FAM53A: variants seen among roughly 807,000 people sequenced by gnomAD.
The protein encoded by FAM53A is family with sequence similarity 53 member A.
FAM53A carries 28 observed loss-of-function variants against 26.6 expected under a neutral mutation model. The ratio of observed to expected loss-of-function variants is 1.05; its 90% CI spans 0.78 to 1.45. The LOEUF is 1.45. FAM53A is among the 40% of genes most tolerant of loss of function. FAM53A has a pLI of 0.00. For synonymous variants in FAM53A, 290 were observed against 253.1 expected (o/e 1.15, Z -1.38); for missense variants, 650 against 575.8 (o/e 1.13, Z -1.32).
At chr4:1,604,765 G>A in the FAM53A span, among the ~76,000 whole-genome samples, 3 of 151,912 alleles carry the variant, frequency 2.0e-5, no homozygotes, top group African/African-American at 7.3e-5. Context: ...ATCCGCTGCA[G>A]CCCCCGCCCC....
chr4:1,600,197 G>A, the FAM53A span, among the ~76,000 whole-genome samples: 1 of 152,282 alleles, frequency 6.6e-6, no homozygotes, highest in Non-Finnish European at 1.5e-5. Context: ...GTGAGCTGAG[G>A]GCTGGGGCAG....
intron 1 of FAM53A, among the ~76,000 whole-genome samples, chr4:1,677,876 C>T (rs77961104): frequency 0.02 from 3,062 of 152,254 alleles, 97 homozygotes; most frequent in African/African-American, 0.07. Context: ...ATCCGGGAGG[C>T]AGAGGTCGCA....
chr4:1,640,327 C>T lies in FAM53A; in HGVS notation c.*966G>A, dbSNP rs781577216. On this transcript the variant is annotated 3_prime_UTR_variant, in exon 5 of 5. Coordinates refer to ENST00000308132, the MANE Select transcript of FAM53A (RefSeq NM_001174070.3). Reference sequence around the variant, plus strand: ...ATGCCCATGCGCAAGCCCCAAGCACCGTGACCCGTCGGGAGGGGGGGACAC... The same window carrying T: ...ATGCCCATGCGCAAGCCCCAAGCACTGTGACCCGTCGGGAGGGGGGGACAC... 2.6e-4 allele frequency: 56 copies of T among 219,172 alleles called. No individual in the cohort carries two copies. Among genetic ancestry groups the T allele is most frequent in the Non-Finnish European group, 4.5e-4 (51 of 112,974 alleles). The allele number at this position is 219,172 out of a possible 1,614,324, so 13.6% of individuals were successfully genotyped here. A position where few individuals can be genotyped will look rare whatever the true frequency, so the allele number is the denominator to read the frequency against.
intron 1 of FAM53A, among the ~76,000 whole-genome samples, chr4:1,670,100 G>A (rs1268498618): frequency 2.6e-5 from 4 of 152,104 alleles, no homozygotes; most frequent in Admixed American, 6.5e-5. Flanking sequence ...CCATCAGAAG[G>A]ACCGCCCGGC....
At chr4:1,622,214 G>A (rs1018684722) in intron 1 of FAM53A, among the ~76,000 whole-genome samples, 13 of 152,186 alleles carry the variant, frequency 8.5e-5, no homozygotes, top group African/African-American at 1.4e-4. Context: ...GGCAGGACCC[G>A]GAGTCACATC....
At chr4:1,626,230 C>G (rs1452084925) in intron 1 of FAM53A, among the ~76,000 whole-genome samples, 2 of 152,202 alleles carry the variant, frequency 1.3e-5, no homozygotes, top group African/African-American at 4.8e-5. Flanking sequence ...AGGGGTCAGG[C>G]CGGACCTTAC....
intron 2 of FAM53A, among the ~76,000 whole-genome samples, chr4:1,665,930 CT>C (rs1209816959): frequency 6.6e-6 from 1 of 151,214 alleles, no homozygotes; most frequent in Admixed American, 6.6e-5. Flanking sequence ...CCTGCACCCC[CT>C]GTATCTAAAA....
chr4:1,674,911 G>A (rs540961948), intron 1 of FAM53A, among the ~76,000 whole-genome samples: 83 of 152,328 alleles, frequency 5.4e-4, no homozygotes, highest in Admixed American at 2.5e-3. Flanking sequence ...TCCAGTCTGC[G>A]TGAGGGAAGT....
intron 1 of FAM53A, among the ~76,000 whole-genome samples, chr4:1,672,455 G>A (rs1163334773): frequency 6.6e-6 from 1 of 152,232 alleles, no homozygotes; most frequent in African/African-American, 2.4e-5. Flanking sequence ...TCCTCACGGG[G>A]TGGTGGGGAG....
chr4:1,655,853 T>C, intron 3 of FAM53A, 130 bp from the exon 4 acceptor site: 1 of 1,131,950 alleles, frequency 8.8e-7, no homozygotes, highest in East Asian at 2.9e-5. Flanking sequence ...CTGGGCGTGC[T>C]TCTCCAAGAT....
At chr4:1,598,615 G>A in the FAM53A span, among the ~76,000 whole-genome samples, 9 of 152,226 alleles carry the variant, frequency 5.9e-5, no homozygotes, top group Non-Finnish European at 1.3e-4. Flanking sequence ...ACCCCCTCCC[G>A]GTTTGATGCC....
the FAM53A span, among the ~76,000 whole-genome samples, chr4:1,580,832 T>G: frequency 7.4e-5 from 2 of 26,896 alleles, no homozygotes; most frequent in Non-Finnish European, 1.3e-4. Flanking sequence ...CCCACCCAGG[T>G]CCCCCCCTCT....
downstream of FAM53A, among the ~76,000 whole-genome samples, chr4:1,636,126 C>T (rs935263151): frequency 3.3e-5 from 5 of 152,124 alleles, no homozygotes; most frequent in African/African-American, 2.4e-5. Context: ...GGATTACAGG[C>T]GTGAGCCGCC....
Position 1,655,666 on chromosome 4 carries a change from G to A in FAM53A, c.194C>T (p.Thr65Met), listed in dbSNP as rs762888722. ...GGPPVRSQAA[T>M]GPDFSFLPGL... Reference sequence around the variant, plus strand: ...CGGCAGGAAGGAGAAATCAGGGCCCGTGGCTGCCTGGCTTCTGACGGGCGG... The same window carrying A: ...CGGCAGGAAGGAGAAATCAGGGCCCATGGCTGCCTGGCTTCTGACGGGCGG... Residue 65 changes from threonine (T) to methionine (M), a missense_variant, in exon 4 of 5, where the codon ACG becomes ATG. Coordinates refer to ENST00000308132, the MANE Select transcript of FAM53A (RefSeq NM_001174070.3). The A allele has an allele frequency of 1.8e-5, 28 of 1,595,462 alleles. No individual in the cohort carries two copies. The highest frequency in any genetic ancestry group is 3.4e-5 in the South Asian group (3 of 89,210).
chr4:1,667,694 CCT>C (rs1201223684), intron 2 of FAM53A, among the ~76,000 whole-genome samples: 1 of 152,130 alleles, frequency 6.6e-6, no homozygotes, highest in Non-Finnish European at 1.5e-5. Context: ...TTCCCTTCAC[CCT>C]CTCATTTCCG....
At chr4:1,685,622 G>GAC (rs1340167865), upstream of FAM53A, among the ~76,000 whole-genome samples, 1 of 152,136 alleles carries the variant, frequency 6.6e-6, no homozygotes, top group Non-Finnish European at 1.5e-5. Context: ...CAGGCCAGCT[G>GAC]ACACCAGGAC....
the FAM53A span, among the ~76,000 whole-genome samples, chr4:1,590,112 T>C: frequency 6.6e-6 from 1 of 152,256 alleles, no homozygotes; most frequent in Non-Finnish European, 1.5e-5. Context: ...GTATAATTTC[T>C]TTATGATTTT....
exon 2 of FAM53A, chr4:1,618,086 C>G (rs1451063798): frequency 2.2e-6 from 1 of 456,382 alleles, no homozygotes; most frequent in Non-Finnish European, 4.4e-6. Context: ...TGGCAACATA[C>G]TTGGTGAAAC....
At chr4:1,622,330 G>A (rs1308703135) in intron 1 of FAM53A, among the ~76,000 whole-genome samples, 1 of 152,102 alleles carries the variant, frequency 6.6e-6, no homozygotes, top group East Asian at 1.9e-4. Context: ...TGCTTCCCTA[G>A]GAGTCACTGC....
Sources: gnomAD v4.1 joint callset for allele counts (sites outside exome capture counted in the v4.1 genomes callset) on GRCh38, gnomAD v4.1.1 for gene constraint, MANE v1.5 for transcripts, NCBI Gene and HGNC (gene_info 2026-07-23, HGNC 2026-07-21) for gene names.